Variants in PNPLA6 observed in about 807,000 individuals in gnomAD.
The protein encoded by PNPLA6 is patatin like domain 6, lysophospholipase, also known as patatin-like phospholipase domain-containing protein 6.
PNPLA6 carries 105 observed loss-of-function variants against 153.7 expected under a neutral mutation model. That is an observed-to-expected ratio of 0.68 (90% CI 0.58 to 0.80). The LOEUF is 0.80. Ranked by LOEUF, PNPLA6 falls within the 30% of genes least tolerant of loss-of-function variation. The pLI, the probability that PNPLA6 is intolerant of heterozygous loss-of-function variation, is 0.00. For synonymous variants in PNPLA6, 825 were observed against 822.2 expected, an observed-to-expected ratio of 1.00 and a Z score of -0.06; for missense variants, 1,423 against 1,919.3, an observed-to-expected ratio of 0.74 and a Z score of 4.83.
chr19:7,551,784 G>A (rs1288540284), intron 18 of PNPLA6, among the ~76,000 whole-genome samples: 18 of 152,108 alleles, frequency 1.2e-4, no homozygotes, highest in Admixed American at 1.2e-3. Flanking sequence ...TGGACGTTGA[G>A]AGAAAGGGAG....
chr19:7,555,531 A>T lies in PNPLA6; in HGVS notation c.2937-76A>T, dbSNP rs2023840037. 1.3e-6 allele frequency: 2 copies of T among 1,509,796 alleles called. No individual in the cohort carries two copies. Among genetic ancestry groups the T allele is most frequent in the East Asian group, 4.6e-5 (2 of 43,190 alleles). The allele number at this position is 1,509,796 out of a possible 1,614,324, so 93.5% of individuals were successfully genotyped here. Reference sequence around the variant, plus strand: ...GTCCTTTGTTCCTTAGCAGTGCGGGAGGTGGGAGGAGGTAGGGGCAGGGGA... The same window carrying T: ...GTCCTTTGTTCCTTAGCAGTGCGGGTGGTGGGAGGAGGTAGGGGCAGGGGA... On this transcript the variant is annotated intron_variant, in intron 23 of 31. Coordinates refer to ENST00000600737, the MANE Select transcript of PNPLA6 (RefSeq NM_001166114.2). The surrounding 1 kb of genome is among the most constrained non-coding windows in gnomAD (Gnocchi z 6.3).
At chr19:7,551,501 G>T in intron 18 of PNPLA6, 64 bp downstream of exon 18, 1 of 1,369,176 alleles carries the variant, frequency 7.3e-7, no homozygotes, top group Non-Finnish European at 1.0e-6. Context: ...CATGCTGGGA[G>T]GGAAGCCTTC....
chr19:7,548,318 T>C (rs1056037028), intron 13 of PNPLA6, among the ~76,000 whole-genome samples: 9 of 151,042 alleles, frequency 6.0e-5, no homozygotes, highest in Non-Finnish European at 1.3e-4. Flanking sequence ...CACTCCAGCC[T>C]GGGCAACAGA....
chr19:7,541,977 C>T lies in PNPLA6; in HGVS notation c.1169-7C>T, dbSNP rs368007751. The T allele has an allele frequency of 3.7e-6, 6 of 1,606,138 alleles. No homozygotes were observed. The highest frequency in any genetic ancestry group is 5.1e-6 in the Non-Finnish European group (6 of 1,178,232). ...GGGGCAGGAGCCTGAACATGTGTCT[C>T]CCCCAGGGGACCCTGTGAAGCCCAC... On this transcript the variant is annotated splice_region_variant and splice_polypyrimidine_tract_variant and intron_variant, in intron 9 of 31. Transcript: ENST00000600737. This position sits in a 1 kb window ranked among gnomAD's most constrained non-coding sequence, Gnocchi z 5.2.
rs767380580 is a variant in PNPLA6 at position 7,550,308 on chromosome 19, G to T, written c.1825G>T (p.Ala609Ser). 20 of 1,612,684 alleles carry T rather than the reference G, an allele frequency of 1.2e-5. No homozygotes were observed. The highest frequency in any genetic ancestry group is 1.7e-5 in the Non-Finnish European group (20 of 1,180,046). ...AGTCTGTTCCTGCAGGATCATGCGCGCACAGCCCAGTGTGGTGCTGAGTGC... is the reference window on the plus strand; with the variant it reads ...AGTCTGTTCCTGCAGGATCATGCGCTCACAGCCCAGTGTGGTGCTGAGTGC... Reference protein sequence around the residue: ...SKSDFYEIMRAQPSVVLSAAH... With the variant: ...SKSDFYEIMRSQPSVVLSAAH... The change falls in exon 15 of 32, where the codon GCA becomes TCA. Residue 609 changes from alanine to serine, a missense_variant. Physicochemically the swap from Ala to Ser is moderately conservative, Grantham distance 99. Around this residue, in one of 10 missense-constraint regions of PNPLA6, gnomAD observed 119 missense variants for 163.7 expected, o/e 0.73. Coordinates refer to ENST00000600737, the MANE Select transcript of PNPLA6 (RefSeq NM_001166114.2).
At position 7,561,309 on chromosome 19, in the gene PNPLA6, T is replaced by C. The variant is rs2024091293; in HGVS notation, c.4015T>C (p.Ser1339Pro). The stretch of plus-strand genomic sequence containing the variant: ...CGAGGGCGCAAGCCCCAGCACTGCC[T>C]CCGAGATGGTGAGAGTGGGTGGCCC... The part of the protein sequence containing the change: ...SPEGASPSTA[S>P]EMEEEKSILR... Residue 1339 changes from serine (S) to proline (P), a missense_variant, in exon 31 of 32, where the codon TCC (serine) becomes CCC (proline). Physicochemically the swap from Ser to Pro is moderately conservative, Grantham distance 74. Around this residue, in one of 10 missense-constraint regions of PNPLA6, gnomAD observed 643 missense variants for 835.2 expected, o/e 0.77. Transcript: ENST00000600737. The C allele has an allele frequency of 6.2e-7, 1 of 1,601,930 alleles. No individual in the cohort carries two copies. The highest frequency in any genetic ancestry group is 1.7e-5 in the Admixed American group (1 of 58,160).
Position 7,535,832 on chromosome 19 carries a change from C to T in PNPLA6, c.44C>T (p.Ala15Val), listed in dbSNP as rs2022835614. The T allele has an allele frequency of 6.5e-7, 1 of 1,537,042 alleles. No individual in the cohort carries two copies. The highest frequency in any genetic ancestry group is 1.4e-5 in the African/African-American group (1 of 73,048). ...GGGCTGGCTACGAACTCCTCGGGGG[C>T]GAAGGTGGCGGAGAGGGATGGGTTC... Reference protein sequence around the residue: ...SHGLATNSSGAKVAERDGFQD... With the variant: ...SHGLATNSSGVKVAERDGFQD... The change falls in exon 1 of 32, where the codon GCG becomes GTG. Residue 15 changes from alanine (A) to valine (V), a missense_variant. Ala to Val is a moderately conservative substitution (Grantham distance 64). Around this residue, in one of 10 missense-constraint regions of PNPLA6, gnomAD observed 109 missense variants for 109.4 expected, o/e 1.00. Coordinates refer to ENST00000600737, the MANE Select transcript of PNPLA6 (RefSeq NM_001166114.2). This position sits in a 1 kb window ranked among gnomAD's most constrained non-coding sequence, Gnocchi z 5.0.
chr19:7,542,810 G>A lies in PNPLA6; in HGVS notation c.1412G>A (p.Ser471Asn), dbSNP rs2023216883. The change falls in exon 12 of 32, where the codon AGC becomes AAC. Residue 471 changes from serine (S) to asparagine (N), a missense_variant. Coordinates refer to ENST00000600737, the MANE Select transcript of PNPLA6 (RefSeq NM_001166114.2). ...CAGCCGGCAGGCGCCTGTGAATACAGCTACTGTGAGGATGAGTCGGCCACT... is the reference window on the plus strand; with the variant it reads ...CAGCCGGCAGGCGCCTGTGAATACAACTACTGTGAGGATGAGTCGGCCACT... ...REQPAGACEY[S>N]YCEDESATGG... 3 of 1,613,096 alleles carry A rather than the reference G, an allele frequency of 1.9e-6. No individual in the cohort carries two copies. The highest frequency in any genetic ancestry group is 1.1e-5 in the South Asian group (1 of 91,088).
At chr19:7,554,062 A>G (rs1168250375) in intron 19 of PNPLA6, 47 bp downstream of exon 19, 1 of 1,602,228 alleles carries the variant, frequency 6.2e-7, no homozygotes, top group South Asian at 1.1e-5. Flanking sequence ...TGGGTGGGAC[A>G]TTAGTGAGTG....
At chr19:7,560,252 G>A (rs914431360) in intron 28 of PNPLA6, among the ~76,000 whole-genome samples, 1 of 152,260 alleles carries the variant, frequency 6.6e-6, no homozygotes, top group South Asian at 2.1e-4. Flanking sequence ...GAGAAGAGAT[G>A]TGTGATGTCC....
chr19:7,559,875 C>T (rs1408173848), intron 28 of PNPLA6, among the ~76,000 whole-genome samples: 1 of 146,422 alleles, frequency 6.8e-6, no homozygotes, highest in Non-Finnish European at 1.5e-5. Context: ...CATGGTGGCT[C>T]ATGCATTTAA....
Position 7,541,043 on chromosome 19 carries a change from G to A in PNPLA6, c.916G>A (p.Val306Ile). 6.2e-7 allele frequency: 1 copy of A among 1,608,926 alleles called. No individual in the cohort carries two copies. The highest frequency in any genetic ancestry group is 8.5e-7 in the Non-Finnish European group (1 of 1,178,582). The part of the protein sequence containing the change: ...FTKYPESLVR[V>I]VQIIMVRLQR... ...CAAGTACCCGGAGAGCTTGGTGCGG[G>A]TCGTGCAGGTCAGTGGGCCTTCGCC... Residue 306 changes from valine (V) to isoleucine (I), a missense_variant, in exon 7 of 32, where the codon GTC (valine) becomes ATC (isoleucine). Physicochemically the swap from Val to Ile is conservative, Grantham distance 29. This residue lies in a region of PNPLA6 where 118 missense variants were observed against 158.8 expected (regional missense o/e 0.74). Coordinates refer to ENST00000600737, the MANE Select transcript of PNPLA6 (RefSeq NM_001166114.2). The surrounding 1 kb of genome is among the most constrained non-coding windows in gnomAD (Gnocchi z 5.2).
At position 7,554,677 on chromosome 19, in the gene PNPLA6, G is replaced by A; in HGVS notation, c.2588G>A (p.Cys863Tyr). 6.2e-7 allele frequency: 1 copy of A among 1,613,886 alleles called. No homozygotes were observed. Among genetic ancestry groups the A allele is most frequent in the Non-Finnish European group, 8.5e-7 (1 of 1,180,004 alleles). The change falls in exon 21 of 32, where the codon TGC (cysteine) becomes TAC (tyrosine). Residue 863 changes from cysteine to tyrosine, a missense_variant. Cys to Tyr is a radical substitution (Grantham distance 194). Transcript: ENST00000600737. Reference sequence around the variant, plus strand: ...GTGCGCTGCCTGCGACAGGCCGACTGCATCCTCATTGTGGGCCTGGGGGAC... The same window carrying A: ...GTGCGCTGCCTGCGACAGGCCGACTACATCCTCATTGTGGGCCTGGGGGAC... ...WTVRCLRQAD[C>Y]ILIVGLGDQE... is the part of the protein sequence containing the mutation.
chr19:7,561,481 C>T lies in PNPLA6; in HGVS notation c.4024-7C>T, dbSNP rs1280183149. ...CTGGGTGACGTGTGTGTGACCTTCC[C>T]TCGCAGGAGGAGGAGAAGTCGATTC... On this transcript the variant is annotated splice_region_variant and splice_polypyrimidine_tract_variant and intron_variant, in intron 31 of 31. Transcript: ENST00000600737. 2 of 1,603,630 alleles carry T rather than the reference C, an allele frequency of 1.2e-6. No homozygotes were observed. Among genetic ancestry groups the T allele is most frequent in the African/African-American group, 2.7e-5 (2 of 74,888 alleles).
rs759005895 is a variant in PNPLA6, at chr19:7,542,789, C to T, written c.1391C>T (p.Pro464Leu). The change falls in exon 12 of 32, where the codon CCG becomes CTG. Residue 464 changes from proline to leucine, a missense_variant. Coordinates refer to ENST00000600737, the MANE Select transcript of PNPLA6 (RefSeq NM_001166114.2). The stretch of plus-strand genomic sequence containing the variant: ...CCCACTCAGGAGCCTCGTGAGCAGC[C>T]GGCAGGCGCCTGTGAATACAGCTAC... ...RTPTQEPREQ[P>L]AGACEYSYCE... 8 of 1,613,040 alleles carry T rather than the reference C, an allele frequency of 5.0e-6. No individual in the cohort carries two copies. Among genetic ancestry groups the T allele is most frequent in the Non-Finnish European group, 6.8e-6 (8 of 1,179,954 alleles).
At chr19:7,544,274 G>A (rs1373335313) in intron 13 of PNPLA6, among the ~76,000 whole-genome samples, 2 of 152,012 alleles carry the variant, frequency 1.3e-5, no homozygotes, top group Admixed American at 6.6e-5. Context: ...ACCACGCCTG[G>A]CTACTTTTTA....
chr19:7,558,261 C>T (rs2146114351), intron 27 of PNPLA6, among the ~76,000 whole-genome samples: 1 of 152,350 alleles, frequency 6.6e-6, no homozygotes, highest in East Asian at 1.9e-4. Flanking sequence ...TGCACACATG[C>T]TCACAATCTT....
rs201144113 is a variant in PNPLA6, at chr19:7,559,160, G to A, written c.3699+9G>A. 2.2e-4 allele frequency: 362 copies of A among 1,612,924 alleles called. 1 individual carries two copies. The highest frequency in any genetic ancestry group is 5.0e-5 in the Non-Finnish European group (59 of 1,178,998). On this transcript the variant is annotated intron_variant, in intron 28 of 31. Transcript: ENST00000600737. ...AGTTCGACCAGATCTATGTGAGTGG[G>A]CAGGAGTGGCATGGTGCCTGCATAG...
chr19:7,551,320 CT>C (rs763061474), intron 17 of PNPLA6, 41 bp from the exon 18 acceptor site: 3 of 1,593,246 alleles, frequency 1.9e-6, no homozygotes, highest in Middle Eastern at 1.7e-4. Flanking sequence ...TGGACAGCCG[CT>C]TCCCAGGTCT....
Sources: gnomAD v4.1 joint callset for allele counts (sites outside exome capture counted in the v4.1 genomes callset) on GRCh38, gnomAD v4.1.1 for gene constraint, gnomAD v4.1.1 regional missense constraint, Gnocchi (gnomAD v3.1) non-coding constraint, MANE v1.5 for transcripts, NCBI Gene and HGNC (gene_info 2026-07-23, HGNC 2026-07-21) for gene names.